Variants in PDE7B observed in about 807,000 individuals in gnomAD.
PDE7B encodes the protein phosphodiesterase 7B.
In PDE7B, 29 loss-of-function variants were observed where a neutral mutation model predicts 56.2. The observed-to-expected ratio is 0.52, with a 90% CI of 0.38 to 0.70. The LOEUF is 0.70. Among genes scored for constraint, PDE7B ranks in the 30% least tolerant of loss-of-function variants. The pLI is 0.00. For synonymous variants in PDE7B, 197 were observed against 196.9 expected (o/e 1.00, Z 0.00); for missense variants, 490 against 565.0 (o/e 0.87, Z 1.35).
chr6:135,945,691 A>G (rs963369063), intron 1 of PDE7B, among the ~76,000 whole-genome samples: 4 of 152,188 alleles, frequency 2.6e-5, no homozygotes, highest in African/African-American at 9.6e-5. Context: ...ATGGGAATGG[A>G]ATTAACCAAG....
chr6:135,939,607 A>G (rs1019712637), intron 1 of PDE7B, among the ~76,000 whole-genome samples: 1 of 152,122 alleles, frequency 6.6e-6, no homozygotes, highest in Non-Finnish European at 1.5e-5. Context: ...TGCCACCCAC[A>G]TGGTAGACAG....
At chr6:136,135,038 T>C (rs1778189302) in intron 3 of PDE7B, among the ~76,000 whole-genome samples, 1 of 151,954 alleles carries the variant, frequency 6.6e-6, no homozygotes, top group Non-Finnish European at 1.5e-5. Context: ...TTCCTATTCC[T>C]CCCCCTGCTC....
chr6:136,036,781 T>C (rs977011847), intron 2 of PDE7B, among the ~76,000 whole-genome samples: 20 of 152,190 alleles, frequency 1.3e-4, no homozygotes, highest in African/African-American at 4.6e-4. Flanking sequence ...TAAAGCACTT[T>C]GCAATGTGGA....
intron 2 of PDE7B, among the ~76,000 whole-genome samples, chr6:136,076,563 G>A (rs943577865): frequency 6.6e-6 from 1 of 152,148 alleles, no homozygotes; most frequent in African/African-American, 2.4e-5. Flanking sequence ...CAGGAAACAA[G>A]AGAACTGGGA....
chr6:135,890,398 G>A (rs74506593), intron 1 of PDE7B, among the ~76,000 whole-genome samples: 5 of 152,240 alleles, frequency 3.3e-5, no homozygotes, highest in Non-Finnish European at 7.4e-5. Flanking sequence ...TCAAAGTTGC[G>A]GACCAGAGTG....
intron 8 of PDE7B, among the ~76,000 whole-genome samples, chr6:136,159,451 T>A (rs992636236): frequency 1.3e-5 from 2 of 152,204 alleles, no homozygotes; most frequent in African/African-American, 4.8e-5. Context: ...CTCTCAGCTA[T>A]CTTAGGCAGA....
intron 8 of PDE7B, among the ~76,000 whole-genome samples, chr6:136,167,299 T>C (rs2128449324): frequency 6.6e-6 from 1 of 152,302 alleles, no homozygotes; most frequent in South Asian, 2.1e-4. Flanking sequence ...TCTCCCCATC[T>C]GATATGGTTT....
intron 1 of PDE7B, among the ~76,000 whole-genome samples, chr6:135,906,829 T>TTTTG (rs1185021608): frequency 1.4e-5 from 2 of 142,604 alleles, no homozygotes; most frequent in African/African-American, 5.7e-5. Context: ...TTTTTTTTTT[T>TTTTG]TTTTTTTAAT....
intron 3 of PDE7B, among the ~76,000 whole-genome samples, chr6:136,114,192 G>T (rs1777795306): frequency 6.6e-6 from 1 of 152,022 alleles, no homozygotes; most frequent in Non-Finnish European, 1.5e-5. Context: ...CTCCTGTCAG[G>T]GTCATCTTAA....
chr6:136,101,188 G>C (rs1427510074), intron 2 of PDE7B, among the ~76,000 whole-genome samples: 2 of 152,090 alleles, frequency 1.3e-5, no homozygotes, highest in East Asian at 1.9e-4. Flanking sequence ...TAGGATTTTT[G>C]CATCAATGTT....
At chr6:136,028,538 C>T (rs1400310996) in intron 2 of PDE7B, among the ~76,000 whole-genome samples, 1 of 152,156 alleles carries the variant, frequency 6.6e-6, no homozygotes, top group Non-Finnish European at 1.5e-5. Context: ...GTCTACAGGT[C>T]TGTATTTCTT....
intron 11 of PDE7B, among the ~76,000 whole-genome samples, chr6:136,185,531 G>A (rs1779130480): frequency 6.6e-6 from 1 of 152,080 alleles, no homozygotes; most frequent in African/African-American, 2.4e-5. Flanking sequence ...GAAGCAGGAG[G>A]ATTGCTTGAA....
intron 2 of PDE7B, chr6:136,098,149 A>AAAAAAAT (rs1311774244): frequency 8.1e-5 from 11 of 135,468 alleles, no homozygotes; most frequent in African/African-American, 2.7e-4. Context: ...GGGGGGGGGA[A>AAAAAAAT]ATATATGTAT....
intron 2 of PDE7B, among the ~76,000 whole-genome samples, chr6:136,027,005 A>G (rs951053379): frequency 1.3e-5 from 2 of 152,174 alleles, no homozygotes; most frequent in African/African-American, 4.8e-5. Context: ...TTGGATTAGC[A>G]CCTTTATAGA....
chr6:136,152,701 T>G (rs1464281771), intron 6 of PDE7B, among the ~76,000 whole-genome samples: 1 of 152,232 alleles, frequency 6.6e-6, no homozygotes. Context: ...CCTCTGCCAT[T>G]TACATGTTTC....
intron 5 of PDE7B, among the ~76,000 whole-genome samples, chr6:136,149,601 A>C (rs541984832): frequency 1.3e-5 from 2 of 152,356 alleles, no homozygotes; most frequent in South Asian, 2.1e-4. Context: ...ACATCATCAG[A>C]AGAAAACAAT....
chr6:136,072,096 A>G (rs1777058418), intron 2 of PDE7B, among the ~76,000 whole-genome samples: 1 of 152,234 alleles, frequency 6.6e-6, no homozygotes, highest in African/African-American at 2.4e-5. Context: ...TCATTCAGTC[A>G]GTCATTCTAC....
At chr6:136,145,353 T>C (rs991435778) in intron 3 of PDE7B, among the ~76,000 whole-genome samples, 4 of 152,128 alleles carry the variant, frequency 2.6e-5, no homozygotes, top group African/African-American at 4.8e-5. Context: ...AATGATTCCA[T>C]CATTTTTTGA....
chr6:135,933,303 A>G (rs1163900742), intron 1 of PDE7B, among the ~76,000 whole-genome samples: 3 of 152,256 alleles, frequency 2.0e-5, no homozygotes, highest in Non-Finnish European at 4.4e-5. Flanking sequence ...TGCACAAGAT[A>G]CACCCCTTAA....
Sources: allele counts gnomAD v4.1 joint callset (sites outside exome capture counted in the v4.1 genomes callset), GRCh38; gene constraint gnomAD v4.1.1; transcripts MANE v1.5; gene names NCBI Gene and HGNC (gene_info 2026-07-23, HGNC 2026-07-21).